The following DYNC1I1 variants were observed in gnomAD, a reference collection of about 807,000 sequenced individuals.
The protein encoded by DYNC1I1 is dynein cytoplasmic 1 intermediate chain 1.
A neutral mutation model predicts 86.6 loss-of-function variants in DYNC1I1; 43 were observed. The observed-to-expected ratio is 0.50, with a 90% CI of 0.39 to 0.64. The LOEUF is 0.64. Ranked by LOEUF, DYNC1I1 falls within the 30% of genes least tolerant of loss-of-function variation. DYNC1I1 has a pLI of 0.00. For missense variants in DYNC1I1, 604 were observed against 788.8 expected, an observed-to-expected ratio of 0.77 and a Z score of 2.81; for synonymous variants, 262 against 283.7, an observed-to-expected ratio of 0.92 and a Z score of 0.77.
At chr7:96,034,005 G>A (rs1297094996) in intron 12 of DYNC1I1, among the ~76,000 whole-genome samples, 1 of 151,750 alleles carries the variant, frequency 6.6e-6, no homozygotes, top group African/African-American at 2.4e-5. Context: ...GTGAGACTTT[G>A]TCTCTTGAAA....
At chr7:95,815,840 T>C (rs1297397611) in intron 4 of DYNC1I1, among the ~76,000 whole-genome samples, 3 of 152,154 alleles carry the variant, frequency 2.0e-5, no homozygotes, top group African/African-American at 7.2e-5. Flanking sequence ...ATATAAATTA[T>C]CTCATTCATT....
intron 14 of DYNC1I1, among the ~76,000 whole-genome samples, chr7:96,054,218 T>C (rs1286991892): frequency 6.6e-6 from 1 of 152,082 alleles, no homozygotes; most frequent in Non-Finnish European, 1.5e-5. Flanking sequence ...CTTCCACTTA[T>C]GAGTGAGAAC....
At chr7:95,872,333 G>T (rs1790195008) in intron 6 of DYNC1I1, among the ~76,000 whole-genome samples, 1 of 152,208 alleles carries the variant, frequency 6.6e-6, no homozygotes, top group Admixed American at 6.5e-5. Flanking sequence ...ACTTTGGCTT[G>T]CTGTTGCCCA....
At chr7:95,995,867 A>G (rs561237666) in intron 9 of DYNC1I1, 81 bp from the exon 10 acceptor site, 5 of 1,523,662 alleles carry the variant, frequency 3.3e-6, no homozygotes, top group Non-Finnish European at 4.4e-6. Flanking sequence ...TGTGTAGTAT[A>G]CCACGTGTAT....
intron 14 of DYNC1I1, among the ~76,000 whole-genome samples, chr7:96,070,535 G>A (rs1790128604): frequency 6.6e-6 from 1 of 152,050 alleles, no homozygotes. Context: ...TAGTTTTTAA[G>A]GTAAGATTCC....
At chr7:95,953,969 C>A (rs562348081) in intron 6 of DYNC1I1, among the ~76,000 whole-genome samples, 75 of 152,230 alleles carry the variant, frequency 4.9e-4, no homozygotes, top group African/African-American at 1.8e-3. Flanking sequence ...AAACAGAGAT[C>A]TCATTAATAT....
chr7:95,773,775 G>A (rs959543932), intron 1 of DYNC1I1, among the ~76,000 whole-genome samples: 23 of 152,160 alleles, frequency 1.5e-4, no homozygotes, highest in Non-Finnish European at 1.2e-4. Context: ...ATAGCTAACA[G>A]TAAGGCATAG....
intron 14 of DYNC1I1, among the ~76,000 whole-genome samples, chr7:96,049,651 G>T (rs973387333): frequency 2.0e-5 from 3 of 152,078 alleles, no homozygotes; most frequent in Non-Finnish European, 2.9e-5. Flanking sequence ...CCAAATCGTA[G>T]AAAGAATTGG....
chr7:95,937,214 G>C (rs1004539599), intron 6 of DYNC1I1, among the ~76,000 whole-genome samples: 4 of 151,974 alleles, frequency 2.6e-5, no homozygotes, highest in Admixed American at 1.3e-4. Context: ...TTTCAGTTAC[G>C]TAGGGTGGAT....
At chr7:96,018,140 C>T (rs946470593) in intron 10 of DYNC1I1, among the ~76,000 whole-genome samples, 6 of 152,198 alleles carry the variant, frequency 3.9e-5, no homozygotes, top group Admixed American at 3.3e-4. Flanking sequence ...CTGTAACAGG[C>T]AGGGAGCCCA....
chr7:96,031,957 T>C (rs1181913387), intron 11 of DYNC1I1, among the ~76,000 whole-genome samples: 2 of 152,132 alleles, frequency 1.3e-5, no homozygotes, highest in African/African-American at 4.8e-5. Flanking sequence ...TACAACATCT[T>C]GTGTATGGTT....
At chr7:95,849,925 A>C (rs1222753203) in intron 5 of DYNC1I1, among the ~76,000 whole-genome samples, 2 of 151,922 alleles carry the variant, frequency 1.3e-5, no homozygotes, top group Non-Finnish European at 2.9e-5. Context: ...CAGTATAGAG[A>C]TCTTTTATCT....
intron 5 of DYNC1I1, among the ~76,000 whole-genome samples, chr7:95,846,940 C>T (rs1395115525): frequency 6.6e-6 from 1 of 152,178 alleles, no homozygotes; most frequent in Non-Finnish European, 1.5e-5. Context: ...CATTGGGTGG[C>T]TCCCAGGTCC....
At chr7:95,838,003 T>G (rs1458592100) in intron 5 of DYNC1I1, among the ~76,000 whole-genome samples, 1 of 152,212 alleles carries the variant, frequency 6.6e-6, no homozygotes, top group African/African-American at 2.4e-5. Flanking sequence ...TGGTCCTGGT[T>G]GTTTTCTTAT....
intron 10 of DYNC1I1, among the ~76,000 whole-genome samples, chr7:96,015,754 C>G (rs73397087): frequency 0.011 from 1,631 of 152,126 alleles, 30 homozygotes; most frequent in African/African-American, 0.037. Context: ...GTCTATGGGT[C>G]TCTTGCAAAA....
rs79481484 is a variant in DYNC1I1 at position 96,081,251 on chromosome 7, A to G, written c.1776+763A>G. Among the ~76,000 whole-genome samples, 1,004 of 152,054 alleles carry G rather than the reference A, an allele frequency of 6.6e-3. 12 individuals are homozygous for G. The highest frequency in any genetic ancestry group is 0.023 in the African/African-American group (956 of 41,512). On this transcript the variant is annotated intron_variant, in intron 16 of 16. Coordinates refer to ENST00000447467, the MANE Select transcript of DYNC1I1 (RefSeq NM_001135556.2). ...CCACTTGGTGGTATTCAAATTTATC[A>G]TATGAGATATATACCTTTCTAGTAT...
chr7:95,813,107 T>TTTTTTTTTC, intron 3 of DYNC1I1, 140 bp from the exon 4 acceptor site: 1 of 1,407,904 alleles, frequency 7.1e-7, no homozygotes, highest in Non-Finnish European at 9.4e-7. Flanking sequence ...TTTTTTTTTT[T>TTTTTTTTTC]CTTTATCCCA....
intron 6 of DYNC1I1, among the ~76,000 whole-genome samples, chr7:95,959,103 C>T (rs1007028974): frequency 6.6e-6 from 1 of 152,060 alleles, no homozygotes. Context: ...TGCAGGTAGA[C>T]GGAGCAGTGG....
At chr7:96,018,200 C>G (rs1045182713) in intron 10 of DYNC1I1, among the ~76,000 whole-genome samples, 3 of 152,168 alleles carry the variant, frequency 2.0e-5, no homozygotes, top group African/African-American at 7.2e-5. Flanking sequence ...CTGTGGCTAC[C>G]AGTCCCACAG....
Sources: gnomAD v4.1 joint callset for allele counts (sites outside exome capture counted in the v4.1 genomes callset) on GRCh38, gnomAD v4.1.1 for gene constraint, MANE v1.5 for transcripts, NCBI Gene and HGNC (gene_info 2026-07-23, HGNC 2026-07-21) for gene names.